REPS2: variants seen among roughly 807,000 people sequenced by gnomAD.
REPS2 encodes the protein RALBP1 associated Eps domain containing 2.
Under a neutral mutation model 53.6 loss-of-function variants are expected in REPS2, and 23 were observed. The observed-to-expected ratio is 0.43, with a 90% CI of 0.31 to 0.61. REPS2 has a LOEUF of 0.61. REPS2 is among the 20% of genes least tolerant of loss of function. REPS2 has a pLI of 0.11. For missense variants in REPS2, 446 were observed against 534.9 expected, an observed-to-expected ratio of 0.83 and a Z score of 1.64; for synonymous variants, 238 against 218.6, an observed-to-expected ratio of 1.09 and a Z score of -0.78.
At chrX:17,186,244 G>A in the REPS2 span, among the ~76,000 whole-genome samples, 1 of 112,570 alleles carries the variant, frequency 8.9e-6, no homozygotes. Context: ...GGTGCTAACA[G>A]TGGACACTGT....
At position 17,072,586 on chromosome X, in the gene REPS2, A is replaced by G. The variant is rs371320722; in HGVS notation, c.1334-1528A>G. ...CTTGACAAAGGAATTAACAGTCACC[A>G]TGGTCTGATTTGGGGAACAGTATTT... On this transcript the variant is annotated intron_variant, in intron 11 of 17. Transcript: ENST00000357277. Among the ~76,000 whole-genome samples, 6 of 112,732 alleles carry G rather than the reference A, an allele frequency of 5.3e-5. No homozygotes were observed. In the South Asian group the frequency reaches 1.1e-3, roughly 21 times the overall value.
At chrX:17,055,306 G>C (rs1287728271) in intron 8 of REPS2, among the ~76,000 whole-genome samples, 3 of 55,430 alleles carry the variant, frequency 5.4e-5, no homozygotes, top group Non-Finnish European at 1.0e-4. Flanking sequence ...TAGGTTGCCT[G>C]TTCACTCTGA....
rs1024497466 is a variant in REPS2, at chrX:17,153,033, A to G, written c.*5552A>G. On this transcript the variant is annotated 3_prime_UTR_variant, in exon 18 of 18. Coordinates refer to ENST00000357277, the MANE Select transcript of REPS2 (RefSeq NM_004726.3). ...GATAATGTGCTAACAAGTTGTGTTA[A>G]TATTTTACTCAGCCAGAGTCTCATT... 2 of 112,794 alleles carry G rather than the reference A, an allele frequency of 1.8e-5. No individual in the cohort carries two copies. Among genetic ancestry groups the G allele is most frequent in the African/African-American group, 6.5e-5 (2 of 30,942 alleles). 9.3% of individuals were successfully genotyped at this position (112,794 alleles called of 1,213,427 possible).
chrX:17,160,732 C>T, the REPS2 span, among the ~76,000 whole-genome samples: 3 of 112,288 alleles, frequency 2.7e-5, no homozygotes. Flanking sequence ...GCTGAGAGCC[C>T]AGAAGGTAAA....
chrX:17,021,799 T>A (rs1480283719), intron 2 of REPS2, among the ~76,000 whole-genome samples: 1 of 112,693 alleles, frequency 8.9e-6, no homozygotes, highest in African/African-American at 3.2e-5. Context: ...CTGCCACCAT[T>A]TGTCACTTAT....
chrX:17,073,834 T>A (rs1279089034), intron 11 of REPS2, among the ~76,000 whole-genome samples: 6 of 107,709 alleles, frequency 5.6e-5, no homozygotes, highest in African/African-American at 1.7e-4. Context: ...GGGTTGTCTT[T>A]TTATACTGGA....
chrX:17,002,773 T>C (rs1569118592), intron 1 of REPS2, among the ~76,000 whole-genome samples: 1 of 112,006 alleles, frequency 8.9e-6, no homozygotes, highest in Non-Finnish European at 1.9e-5. Flanking sequence ...TGAGGTATTC[T>C]CCTGGGCTAT....
intron 4 of REPS2, 59 bp downstream of exon 4, chrX:17,025,244 A>G (rs1278096052): frequency 4.6e-6 from 5 of 1,094,536 alleles, no homozygotes; most frequent in Non-Finnish European, 6.1e-6. Context: ...TCCTTAATTT[A>G]CCAGGCGGTA....
the REPS2 span, among the ~76,000 whole-genome samples, chrX:17,169,683 A>G: frequency 8.9e-6 from 1 of 112,116 alleles, no homozygotes; most frequent in Admixed American, 9.4e-5. Context: ...CTCTGTCTCA[A>G]AAAAAGAAAC....
intron 13 of REPS2, among the ~76,000 whole-genome samples, chrX:17,094,928 A>G (rs1380485308): frequency 9.0e-6 from 1 of 111,208 alleles, no homozygotes; most frequent in African/African-American, 3.3e-5. Flanking sequence ...TAGTGTTTAA[A>G]TGTTTCTGGA....
Position 17,068,458 on chromosome X carries a change from T to C in REPS2, c.1266T>C (p.Ser422=), listed in dbSNP as rs1446819030. 8.3e-7 allele frequency: 1 copy of C among 1,203,147 alleles called. No homozygotes were observed. Among genetic ancestry groups the C allele is most frequent in the Admixed American group, 2.2e-5 (1 of 45,996 alleles). The part of the protein sequence containing the change: ...DLPVPNQDVT[S]DDKQALKSTI... ...CTGTCCCTAACCAGGATGTAACTAG[T>C]GATGACAAACAAGGTAGGAGAAGAA... Residue 422 remains serine, a synonymous_variant, in exon 10 of 18, where the codon AGT becomes AGC. Transcript: ENST00000357277.
intron 5 of REPS2, among the ~76,000 whole-genome samples, chrX:17,031,400 C>T (rs1304566035): frequency 8.9e-6 from 1 of 112,137 alleles, no homozygotes; most frequent in Non-Finnish European, 1.9e-5. Context: ...TGTGGCTTCT[C>T]TTCTAATCTC....
the REPS2 span, among the ~76,000 whole-genome samples, chrX:17,160,379 C>T: frequency 8.9e-6 from 1 of 112,438 alleles, no homozygotes; most frequent in Non-Finnish European, 1.9e-5. Context: ...TTCTCACAAT[C>T]AAACCAGGGG....
chrX:17,078,396 TCTC>T (rs1009409874), intron 13 of REPS2, among the ~76,000 whole-genome samples: 2 of 112,398 alleles, frequency 1.8e-5, no homozygotes, highest in Non-Finnish European at 3.8e-5. Flanking sequence ...AATAAAGTAT[TCTC>T]CTCACAGTAA....
chrX:17,177,158 G>A, the REPS2 span, among the ~76,000 whole-genome samples: 1 of 112,237 alleles, frequency 8.9e-6, no homozygotes, highest in South Asian at 3.7e-4. Flanking sequence ...ATAACCCTCT[G>A]TGATCAAGGA....
At position 17,022,918 on chromosome X, in the gene REPS2, G is replaced by C. The variant is rs187393985; in HGVS notation, c.546+647G>C. Among the ~76,000 whole-genome samples the C allele has an allele frequency of 4.2e-3, 470 of 112,126 alleles. 3 individuals carry two copies. Among genetic ancestry groups the C allele is most frequent in the African/African-American group, 0.013 (415 of 30,878 alleles). ...CAGGGAGGATAGGCTTTTAAAATTAGACCACTAATTGCAATGGTCAGATGA... is the reference window on the plus strand; with the variant it reads ...CAGGGAGGATAGGCTTTTAAAATTACACCACTAATTGCAATGGTCAGATGA... On this transcript the variant is annotated intron_variant, in intron 3 of 17. Transcript: ENST00000357277.
At chrX:16,986,229 A>T (rs957082078) in intron 1 of REPS2, among the ~76,000 whole-genome samples, 1 of 111,236 alleles carries the variant, frequency 9.0e-6, no homozygotes, top group Non-Finnish European at 1.9e-5. Flanking sequence ...GTGTGTTTTT[A>T]TCTGTGCATC....
At chrX:17,050,181 T>TCTTC (rs2061970968) in intron 6 of REPS2, among the ~76,000 whole-genome samples, 1 of 54,098 alleles carries the variant, frequency 1.8e-5, no homozygotes, top group African/African-American at 8.3e-5. Flanking sequence ...TTTCTTTCTT[T>TCTTC]CTTTCTTTCT....
intron 1 of REPS2, among the ~76,000 whole-genome samples, chrX:16,975,510 A>G (rs1040530227): frequency 9.0e-6 from 1 of 110,642 alleles, no homozygotes; most frequent in Admixed American, 9.6e-5. Flanking sequence ...AGCCACGTGT[A>G]TGTCTTCTTT....
Sources: allele counts gnomAD v4.1 joint callset (sites outside exome capture counted in the v4.1 genomes callset), GRCh38; gene constraint gnomAD v4.1.1; transcripts MANE v1.5; gene names NCBI Gene and HGNC (gene_info 2026-07-23, HGNC 2026-07-21).